NRG2: variants seen among roughly 807,000 people sequenced by gnomAD.
NRG2 encodes the protein neuregulin 2.
In NRG2, 27 loss-of-function variants were observed where a neutral mutation model predicts 73.9. The observed-to-expected ratio is 0.37, with a 90% CI of 0.27 to 0.50. The LOEUF is 0.50. NRG2 is among the 20% of genes least tolerant of loss of function. The pLI, the probability that NRG2 is intolerant of heterozygous loss-of-function variation, is 0.96. For synonymous variants in NRG2, 532 were observed against 541.0 expected (o/e 0.98, Z 0.23); for missense variants, 1,126 against 1,210.1 (o/e 0.93, Z 1.03).
chr5:140,010,963 A>G (rs900696485), intron 1 of NRG2, among the ~76,000 whole-genome samples: 2 of 152,116 alleles, frequency 1.3e-5, no homozygotes, highest in South Asian at 2.1e-4. Context: ...TCATCTCTCC[A>G]CTGGCAGTTT....
At chr5:140,036,772 T>C (rs1191814509) in intron 1 of NRG2, among the ~76,000 whole-genome samples, 1 of 152,204 alleles carries the variant, frequency 6.6e-6, no homozygotes, top group Non-Finnish European at 1.5e-5. Context: ...GTGCAAATTA[T>C]ACTAACAGCA....
At chr5:139,902,867 G>A (rs1396954729) in intron 1 of NRG2, among the ~76,000 whole-genome samples, 1 of 152,214 alleles carries the variant, frequency 6.6e-6, no homozygotes, top group Non-Finnish European at 1.5e-5. Context: ...GCTCCTCATA[G>A]CAGACCACCT....
At chr5:139,872,522 C>A (rs1246402589) in intron 3 of NRG2, among the ~76,000 whole-genome samples, 1 of 152,294 alleles carries the variant, frequency 6.6e-6, no homozygotes, top group South Asian at 2.1e-4. Flanking sequence ...CTCCCCACCC[C>A]AGACAGCCCC....
chr5:139,993,420 A>C (rs1757788914), intron 1 of NRG2, among the ~76,000 whole-genome samples: 1 of 152,196 alleles, frequency 6.6e-6, no homozygotes, highest in Admixed American at 6.5e-5. Flanking sequence ...AGCTTTGGCC[A>C]TTAGCTATTC....
chr5:139,905,710 C>T (rs571295093), intron 1 of NRG2, among the ~76,000 whole-genome samples: 48 of 151,974 alleles, frequency 3.2e-4, no homozygotes, highest in Non-Finnish European at 6.6e-4. Context: ...TAAGAGACAA[C>T]CCTTGTACCC....
intron 1 of NRG2, among the ~76,000 whole-genome samples, chr5:139,997,056 C>T (rs1758073385): frequency 6.6e-6 from 1 of 152,144 alleles, no homozygotes; most frequent in Non-Finnish European, 1.5e-5. Context: ...GTGGGGGGAT[C>T]ACCTGAGCTT....
chr5:139,962,835 C>T (rs1423246361), intron 1 of NRG2, among the ~76,000 whole-genome samples: 2 of 152,194 alleles, frequency 1.3e-5, no homozygotes, highest in Non-Finnish European at 2.9e-5. Flanking sequence ...CAAGAGGTTG[C>T]CTACTCTGCC....
chr5:139,950,131 GCCTTTGAACCAAGCTCTGTTT>G (rs1754091257), intron 1 of NRG2, among the ~76,000 whole-genome samples: 1 of 152,242 alleles, frequency 6.6e-6, no homozygotes, highest in Non-Finnish European at 1.5e-5. Context: ...GGGTAGAGCA[GCCTTTGAACCAAGCTCTGTTT>G]CAACATTTCT....
At chr5:139,992,203 C>G (rs1242747312) in intron 1 of NRG2, among the ~76,000 whole-genome samples, 1 of 152,046 alleles carries the variant, frequency 6.6e-6, no homozygotes, top group Middle Eastern at 3.2e-3. Flanking sequence ...AGGCATGTAA[C>G]GTTTGTTAGA....
At chr5:139,981,356 C>G (rs567571975) in intron 1 of NRG2, among the ~76,000 whole-genome samples, 1 of 152,356 alleles carries the variant, frequency 6.6e-6, no homozygotes, top group East Asian at 1.9e-4. Flanking sequence ...CCACTCACCC[C>G]ACATGGCCAT....
At chr5:139,956,184 T>C (rs1291401376) in intron 1 of NRG2, among the ~76,000 whole-genome samples, 1 of 152,038 alleles carries the variant, frequency 6.6e-6, no homozygotes, top group Admixed American at 6.6e-5. Context: ...CATTTCTCCC[T>C]CCCTAGCTTG....
intron 3 of NRG2, among the ~76,000 whole-genome samples, chr5:139,878,390 T>A (rs1366166233): frequency 6.6e-6 from 1 of 152,186 alleles, no homozygotes; most frequent in East Asian, 1.9e-4. Context: ...AAGCCATCTC[T>A]TTTCTCCGGG....
At chr5:139,848,775 G>GGGGGGGGGTT in intron 9 of NRG2, 78 bp from the exon 10 acceptor site, 1 of 601,720 alleles carries the variant, frequency 1.7e-6, no homozygotes, top group Non-Finnish European at 2.4e-6. Flanking sequence ...GTGGGGTAGG[G>GGGGGGGGGTT]TGGGAGGGGC....
intron 1 of NRG2, among the ~76,000 whole-genome samples, chr5:139,955,503 C>T (rs924733561): frequency 1.3e-5 from 2 of 152,102 alleles, no homozygotes; most frequent in Non-Finnish European, 2.9e-5. Flanking sequence ...ATAAACTGGG[C>T]TAGGACACTG....
chr5:140,010,371 A>G lies in NRG2; in HGVS notation c.700+31999T>C, dbSNP rs530084435. Reference sequence around the variant, plus strand: ...TCATACACTTGTCCAAACCCATAGAATGTACAACACTGAGAGTGAAGCCTA... The same window carrying G: ...TCATACACTTGTCCAAACCCATAGAGTGTACAACACTGAGAGTGAAGCCTA... On this transcript the variant is annotated intron_variant, in intron 1 of 9. Coordinates refer to ENST00000361474, the MANE Select transcript of NRG2 (RefSeq NM_004883.3). 6.2e-4 allele frequency among the ~76,000 whole-genome samples: 94 copies of G among 152,332 alleles called. 2 individuals carry two copies. Among genetic ancestry groups the G allele is most frequent in the African/African-American group, 2.1e-3 (89 of 41,590 alleles).
At chr5:139,994,102 A>G (rs1757852958) in intron 1 of NRG2, among the ~76,000 whole-genome samples, 1 of 152,178 alleles carries the variant, frequency 6.6e-6, no homozygotes, top group Non-Finnish European at 1.5e-5. Flanking sequence ...TAGCCCAGGA[A>G]CTCATTTACA....
At chr5:139,997,627 C>A (rs1758120843) in intron 1 of NRG2, among the ~76,000 whole-genome samples, 1 of 152,256 alleles carries the variant, frequency 6.6e-6, no homozygotes, top group Non-Finnish European at 1.5e-5. Flanking sequence ...CTGTATGGGG[C>A]ATCATCTGGC....
At position 139,848,353 on chromosome 5, in the gene NRG2, C is replaced by G. The variant is rs1761154760; in HGVS notation, c.2117G>C (p.Arg706Pro). 1 of 1,222,296 alleles carries G rather than the reference C, an allele frequency of 8.2e-7. No individual in the cohort carries two copies. Among genetic ancestry groups the G allele is most frequent in the Non-Finnish European group, 1.0e-6 (1 of 984,706 alleles). 75.7% of individuals were successfully genotyped at this position (1,222,296 alleles called of 1,614,324 possible). ...SLGSLPASPF[R>P]IPEDDEYETT... The stretch of plus-strand genomic sequence containing the variant: ...CTCGTACTCGTCGTCCTCGGGGATG[C>G]GGAAGGGGCTGGCAGGCAGGCTGCC... The change falls in exon 10 of 10, where the codon CGC becomes CCC. Residue 706 changes from arginine (R) to proline (P), a missense_variant. Around this residue, in one of 3 missense-constraint regions of NRG2, gnomAD observed 402 missense variants for 357.8 expected, o/e 1.12. Coordinates refer to ENST00000361474, the MANE Select transcript of NRG2 (RefSeq NM_004883.3).
At chr5:139,992,820 C>T (rs904431478) in intron 1 of NRG2, among the ~76,000 whole-genome samples, 19 of 152,154 alleles carry the variant, frequency 1.2e-4, no homozygotes, top group African/African-American at 4.1e-4. Context: ...CTTCCTTCTG[C>T]CCAAGAGTAA....
Sources: allele counts gnomAD v4.1 joint callset (sites outside exome capture counted in the v4.1 genomes callset), GRCh38; gene constraint gnomAD v4.1.1; regional missense constraint gnomAD v4.1.1; transcripts MANE v1.5; gene names NCBI Gene and HGNC (gene_info 2026-07-23, HGNC 2026-07-21).